Variants in UBN1 observed in about 807,000 individuals in gnomAD.
UBN1 encodes ubinuclein 1.
UBN1 carries 17 observed loss-of-function variants against 108.5 expected under a neutral mutation model. The ratio of observed to expected loss-of-function variants is 0.16; its 90% CI spans 0.11 to 0.24. The LOEUF (loss-of-function observed/expected upper bound fraction) is 0.24, where lower values mean the gene tolerates loss of function less well. Ranked by LOEUF, UBN1 falls within the 10% of genes least tolerant of loss-of-function variation. The pLI is 1.00. For synonymous variants in UBN1, 726 were observed against 564.2 expected (o/e 1.29, Z -4.07); for missense variants, 1,595 against 1,394.4 (o/e 1.14, Z -2.29).
intron 7 of UBN1, among the ~76,000 whole-genome samples, chr16:4,862,824 C>T (rs1213920801): frequency 6.6e-6 from 1 of 152,212 alleles, no homozygotes. Flanking sequence ...GCTGAGTAAA[C>T]ACCTTGTTAG....
Position 4,863,289 on chromosome 16 carries a change from C to G in UBN1, c.1110+2187C>G, listed in dbSNP as rs117636670. On this transcript the variant is annotated intron_variant, in intron 7 of 17. Transcript: ENST00000262376. ...ATGCTTAATGCTACTCCGAAGGGTCCTCAGGTGCGCTCTTCTGACCAGGGC... is the reference window on the plus strand; with the variant it reads ...ATGCTTAATGCTACTCCGAAGGGTCGTCAGGTGCGCTCTTCTGACCAGGGC... Among the ~76,000 whole-genome samples, 478 of 152,216 alleles carry G rather than the reference C, an allele frequency of 3.1e-3. 1 individual carries two copies. Among genetic ancestry groups the G allele is most frequent in the Non-Finnish European group, 4.2e-3 (284 of 68,010 alleles).
In UBN1 at chr16:4,870,992, T is replaced by G; in HGVS notation, c.1559+20T>G. On this transcript the variant is annotated intron_variant, in intron 11 of 17. Transcript: ENST00000262376. ...GATCAGGTGTGCCCACACTGGGACT[T>G]GGCCTCTTTGGAGGGTTGGTGGGGC... is the stretch of plus-strand genomic sequence containing the variant. The G allele has an allele frequency of 6.2e-7, 1 of 1,613,646 alleles. No individual in the cohort carries two copies. The highest frequency in any genetic ancestry group is 1.1e-5 in the South Asian group (1 of 91,028).
rs2088042262 is a variant in UBN1, at chr16:4,880,357, C to T, written c.*225C>T. On this transcript the variant is annotated 3_prime_UTR_variant, in exon 18 of 18. Transcript: ENST00000262376. ...CTGCCCCGTGCTCTGGGCCTTGCAG[C>T]TCTGTCGCTAGACGGTTGTTAGAGG... 3.7e-6 allele frequency: 2 copies of T among 538,206 alleles called. No individual in the cohort carries two copies. The highest frequency in any genetic ancestry group is 3.0e-5 in the East Asian group (1 of 33,382). 33.3% of individuals were successfully genotyped at this position (538,206 alleles called of 1,614,324 possible). A position where few individuals can be genotyped will look rare whatever the true frequency, so the allele number is the denominator to read the frequency against.
Position 4,880,286 on chromosome 16 carries a change from G to T in UBN1, c.*154G>T. 2 of 843,078 alleles carry T rather than the reference G, an allele frequency of 2.4e-6. No individual in the cohort carries two copies. The highest frequency in any genetic ancestry group is 1.9e-6 in the Non-Finnish European group (1 of 520,664). The allele number at this position is 843,078 out of a possible 1,614,324, so 52.2% of individuals were successfully genotyped here. On this transcript the variant is annotated 3_prime_UTR_variant, in exon 18 of 18. Coordinates refer to ENST00000262376, the MANE Select transcript of UBN1 (RefSeq NM_001079514.3). ...GAGCGCTTCTCGGCACTTCTGATGTGCCTCCCATGGAGGGAGCCGGGCCCT... is the reference window on the plus strand; with the variant it reads ...GAGCGCTTCTCGGCACTTCTGATGTTCCTCCCATGGAGGGAGCCGGGCCCT...
Position 4,876,963 on chromosome 16 carries a change from C to G in UBN1, c.3117C>G (p.Ser1039Arg). 1 of 1,614,220 alleles carries G rather than the reference C, an allele frequency of 6.2e-7. No homozygotes were observed. The highest frequency in any genetic ancestry group is 1.1e-5 in the South Asian group (1 of 91,082). Reference sequence around the variant, plus strand: ...GCCCAAAGCTGTCTGGGGCCATGAGCTCGAACTCCTTGGGAATTATAACCC... The same window carrying G: ...GCCCAAAGCTGTCTGGGGCCATGAGGTCGAACTCCTTGGGAATTATAACCC... ...SSSPKLSGAM[S>R]SNSLGIITPV... The change falls in exon 16 of 18, where the codon AGC becomes AGG. Residue 1039 changes from serine (S) to arginine (R), a missense_variant. Transcript: ENST00000262376.
At chr16:4,870,775 T>G in intron 10 of UBN1, 69 bp from the exon 11 acceptor site, 1 of 1,604,700 alleles carries the variant, frequency 6.2e-7, no homozygotes, top group Admixed American at 1.7e-5. Flanking sequence ...GTCCCAGTAG[T>G]GCAGAGTGAG....
chr16:4,870,188 T>C, intron 8 of UBN1, 24 bp from the exon 9 acceptor site: 1 of 1,613,706 alleles, frequency 6.2e-7, no homozygotes, highest in Non-Finnish European at 8.5e-7. Flanking sequence ...CTGCAGCCGG[T>C]GGTGACTGTG....
rs578238347 is a variant in UBN1, at chr16:4,876,205, G to A, written c.3025-666G>A. Among the ~76,000 whole-genome samples the A allele has an allele frequency of 5.3e-5, 8 of 152,070 alleles. No homozygotes were observed. In the East Asian group the frequency reaches 1.2e-3, roughly 22 times the overall value. ...GATCTCCTGACCTCGTGATCTGCCC[G>A]CCTCGGCCTCCCAAAGTGCTGGGAT... On this transcript the variant is annotated intron_variant, in intron 15 of 17. Transcript: ENST00000262376.
chr16:4,850,799 C>T (rs2086523329), intron 1 of UBN1, among the ~76,000 whole-genome samples: 3 of 152,170 alleles, frequency 2.0e-5, no homozygotes, highest in Admixed American at 2.0e-4. Context: ...ACGATATATG[C>T]TAATTTTCCT....
chr16:4,853,060 C>T lies in UBN1; in HGVS notation c.143C>T (p.Thr48Ile), dbSNP rs770432091. Residue 48 changes from threonine (T) to isoleucine (I), a missense_variant, in exon 2 of 18, where the codon ACA (threonine) becomes ATA (isoleucine). By Grantham distance (89) the Thr-to-Ile change is moderately conservative. This residue lies in a region of UBN1 where 181 missense variants were observed against 157.3 expected (regional missense o/e 1.15). Coordinates refer to ENST00000262376, the MANE Select transcript of UBN1 (RefSeq NM_001079514.3). The stretch of plus-strand genomic sequence containing the variant: ...CCGGCTGCAGCAGCTGTTCGGATTA[C>T]ACTCACCCTCTTTGAACCAGATCAC... ...CEPAAAAVRI[T>I]LTLFEPDHKR... 1.9e-6 allele frequency: 3 copies of T among 1,614,250 alleles called. No homozygotes were observed. The highest frequency in any genetic ancestry group is 2.5e-6 in the Non-Finnish European group (3 of 1,180,036).
rs2087041761 is a variant in UBN1, at chr16:4,861,172, C to T, written c.1110+70C>T. 53 of 1,477,800 alleles carry T rather than the reference C, an allele frequency of 3.6e-5. 1 individual carries two copies. In the South Asian group the frequency reaches 5.0e-4, roughly 14 times the overall value. 91.5% of individuals were successfully genotyped at this position (1,477,800 alleles called of 1,614,324 possible). On this transcript the variant is annotated intron_variant, in intron 7 of 17. Coordinates refer to ENST00000262376, the MANE Select transcript of UBN1 (RefSeq NM_001079514.3). ...GCAGATTGCTGTTGGTTCTGCACTG[C>T]GTGAAGCTTGCCCAGAGAAACTCTT...
intron 1 of UBN1, among the ~76,000 whole-genome samples, chr16:4,849,573 T>C (rs57026350): frequency 0.051 from 7,821 of 151,916 alleles, 670 homozygotes; most frequent in African/African-American, 0.18. Flanking sequence ...CTGAGGTTTT[T>C]AAAGGGGGAT....
chr16:4,847,727 A>C lies in UBN1; in HGVS notation c.-523A>C, dbSNP rs976218383. On this transcript the variant is annotated 5_prime_UTR_variant, in exon 1 of 18. Coordinates refer to ENST00000262376, the MANE Select transcript of UBN1 (RefSeq NM_001079514.3). Reference sequence around the variant, plus strand: ...GGCCCCGTCGCAGCGCCAGTGAGCTACCCTGACGGAGCTCGGCGCGGCCTG... The same window carrying C: ...GGCCCCGTCGCAGCGCCAGTGAGCTCCCCTGACGGAGCTCGGCGCGGCCTG... 6.2e-6 allele frequency: 1 copy of C among 161,344 alleles called. No individual in the cohort carries two copies. Among genetic ancestry groups the C allele is most frequent in the African/African-American group, 2.4e-5 (1 of 41,400 alleles). 10.0% of individuals were successfully genotyped at this position (161,344 alleles called of 1,614,324 possible). A position where few individuals can be genotyped will look rare whatever the true frequency, so the allele number is the denominator to read the frequency against.
At position 4,875,036 on chromosome 16, in the gene UBN1, C is replaced by G; in HGVS notation, c.2626C>G (p.Pro876Ala). 2 of 1,614,022 alleles carry G rather than the reference C, an allele frequency of 1.2e-6. No homozygotes were observed. Among genetic ancestry groups the G allele is most frequent in the Non-Finnish European group, 1.7e-6 (2 of 1,180,026 alleles). ...CTCCAGCAGCAGCTCTCACAAGACC[C>G]CAGCCTCGTCCTCTTCTGCCCTGAG... is the stretch of plus-strand genomic sequence containing the variant. ...SASSSSSHKT[P>A]ASSSSALSHP... Residue 876 changes from proline (P) to alanine (A), a missense_variant, in exon 15 of 18, where the codon CCA (proline) becomes GCA (alanine). Around this residue, in one of 3 missense-constraint regions of UBN1, gnomAD observed 1,398 missense variants for 1,194.7 expected, o/e 1.17. Coordinates refer to ENST00000262376, the MANE Select transcript of UBN1 (RefSeq NM_001079514.3).
chr16:4,858,428 T>G (rs2086906698), intron 3 of UBN1, 140 bp from the exon 4 acceptor site: 2 of 706,488 alleles, frequency 2.8e-6, no homozygotes, highest in Admixed American at 5.2e-5. Flanking sequence ...AAGGAGGTTT[T>G]GGGGTTTGTG....
At chr16:4,873,205 T>C in intron 14 of UBN1, 132 bp downstream of exon 14, 1 of 1,320,120 alleles carries the variant, frequency 7.6e-7, no homozygotes, top group Non-Finnish European at 1.1e-6. Context: ...GATGACATTC[T>C]TGAAGTCATA....
At chr16:4,866,427 C>A (rs1482100323) in intron 7 of UBN1, among the ~76,000 whole-genome samples, 1 of 152,216 alleles carries the variant, frequency 6.6e-6, no homozygotes, top group African/African-American at 2.4e-5. Flanking sequence ...TTTGTTGATT[C>A]ATTCACTCAG....
intron 6 of UBN1, 137 bp from the exon 7 acceptor site, chr16:4,860,527 G>C: frequency 1.1e-6 from 1 of 891,546 alleles, no homozygotes; most frequent in Non-Finnish European, 1.7e-6. Context: ...ATGCCAAGAG[G>C]AGGGAGGAGG....
Position 4,874,212 on chromosome 16 carries a change from AATCGTCTAC to A in UBN1, c.1803_1811del (p.Ser602_Thr604del). 2 of 1,546,408 alleles carry A rather than the reference AATCGTCTAC, an allele frequency of 1.3e-6. No homozygotes were observed. Among genetic ancestry groups the A allele is most frequent in the Non-Finnish European group, 1.7e-6 (2 of 1,147,708 alleles). Reference sequence around the variant, plus strand: ...ATCAACATTTCTGTTTTCCTTTAGGAATCGTCTACGAAGCCTGATAAAAAGGTTTCTGTC... The same window carrying A: ...ATCAACATTTCTGTTTTCCTTTAGGAGAAGCCTGATAAAAAGGTTTCTGTC... On this transcript the variant is annotated inframe_deletion and splice_region_variant, in exon 15 of 18. Transcript: ENST00000262376.
Sources: allele counts gnomAD v4.1 joint callset (sites outside exome capture counted in the v4.1 genomes callset), GRCh38; gene constraint gnomAD v4.1.1; regional missense constraint gnomAD v4.1.1; transcripts MANE v1.5; gene names NCBI Gene and HGNC (gene_info 2026-07-23, HGNC 2026-07-21).